CNTN1: variants seen among roughly 807,000 people sequenced by gnomAD.
The protein encoded by CNTN1 is contactin 1.
In CNTN1, 38 loss-of-function variants were observed where a neutral mutation model predicts 126.4. That is an observed-to-expected ratio of 0.30 (90% CI 0.23 to 0.39). CNTN1 has a LOEUF of 0.39. Ranked by LOEUF, CNTN1 falls within the 10% of genes least tolerant of loss-of-function variation. The pLI is 1.00. For synonymous variants in CNTN1, 413 were observed against 422.6 expected (o/e 0.98, Z 0.28); for missense variants, 1,009 against 1,248.4 (o/e 0.81, Z 2.89).
chr12:40,830,264 T>C (rs1941763018), intron 1 of CNTN1, among the ~76,000 whole-genome samples: 1 of 152,154 alleles, frequency 6.6e-6, no homozygotes, highest in Non-Finnish European at 1.5e-5. Context: ...TTAATTTTTA[T>C]AGGCTATCAA....
At chr12:40,713,848 C>A (rs1015323519) in intron 1 of CNTN1, among the ~76,000 whole-genome samples, 9 of 152,074 alleles carry the variant, frequency 5.9e-5, no homozygotes, top group African/African-American at 2.2e-4. Context: ...GTCTTTTCCA[C>A]ATTTAGTGCT....
At chr12:41,033,781 G>A (rs1393545975) in intron 23 of CNTN1, among the ~76,000 whole-genome samples, 1 of 151,706 alleles carries the variant, frequency 6.6e-6, no homozygotes, top group Non-Finnish European at 1.5e-5. Flanking sequence ...GCTCACGCCT[G>A]TAATCCCAGC....
intron 1 of CNTN1, among the ~76,000 whole-genome samples, chr12:40,793,048 C>T (rs74461734): frequency 0.059 from 9,027 of 151,994 alleles, 356 homozygotes; most frequent in Admixed American, 0.084. Flanking sequence ...AAAAGATTAA[C>T]TCACAGAAAA....
intron 19 of CNTN1, among the ~76,000 whole-genome samples, chr12:41,019,162 C>T (rs1248008764): frequency 1.3e-5 from 2 of 151,976 alleles, no homozygotes; most frequent in African/African-American, 4.8e-5. Flanking sequence ...ATCTCAAAAA[C>T]AAAACAAAAC....
At chr12:40,922,212 G>A (rs1243161107) in intron 4 of CNTN1, 44 bp from the exon 5 acceptor site, 3 of 1,562,684 alleles carry the variant, frequency 1.9e-6, no homozygotes, top group South Asian at 2.2e-5. Context: ...AGAGTTTCTA[G>A]GTCTCATGAC....
At chr12:41,036,955 A>G (rs1304404332) in intron 23 of CNTN1, among the ~76,000 whole-genome samples, 1 of 152,094 alleles carries the variant, frequency 6.6e-6, no homozygotes, top group African/African-American at 2.4e-5. Context: ...CTATTTCACT[A>G]TTTTTTGTTA....
At chr12:40,774,897 TA>T (rs1939517744) in intron 1 of CNTN1, among the ~76,000 whole-genome samples, 1 of 151,630 alleles carries the variant, frequency 6.6e-6, no homozygotes, top group Non-Finnish European at 1.5e-5. Flanking sequence ...TACATATTTA[TA>T]AGGTACATGT....
At chr12:40,832,507 C>T (rs928652853) in intron 1 of CNTN1, among the ~76,000 whole-genome samples, 3 of 152,150 alleles carry the variant, frequency 2.0e-5, no homozygotes, top group Non-Finnish European at 4.4e-5. Flanking sequence ...ATATAGCCTA[C>T]GTATGAAGTA....
chr12:41,063,850 T>A (rs1949992959), intron 23 of CNTN1, among the ~76,000 whole-genome samples: 1 of 152,118 alleles, frequency 6.6e-6, no homozygotes. Flanking sequence ...AGCTAGGAGC[T>A]CATATCTCTC....
intron 20 of CNTN1, among the ~76,000 whole-genome samples, chr12:41,021,366 T>C (rs1255195053): frequency 2.0e-5 from 3 of 151,982 alleles, no homozygotes; most frequent in Non-Finnish European, 2.9e-5. Flanking sequence ...CCAGCCAGCT[T>C]GCATTCTCAG....
At chr12:41,014,757 A>G (rs1948741419) in intron 18 of CNTN1, among the ~76,000 whole-genome samples, 1 of 152,216 alleles carries the variant, frequency 6.6e-6, no homozygotes, top group African/African-American at 2.4e-5. Context: ...GAAGTCACCC[A>G]TGGGACTAGT....
intron 1 of CNTN1, among the ~76,000 whole-genome samples, chr12:40,785,629 A>C (rs921297326): frequency 6.6e-6 from 1 of 152,068 alleles, no homozygotes; most frequent in African/African-American, 2.4e-5. Flanking sequence ...GGGTGGGGAG[A>C]ATTACAAAGA....
intron 1 of CNTN1, among the ~76,000 whole-genome samples, chr12:40,749,794 C>T (rs1372688223): frequency 2.9e-4 from 28 of 96,454 alleles, no homozygotes; most frequent in South Asian, 6.6e-4. Context: ...TATGTCGTGG[C>T]AATAGGTGTT....
At chr12:41,021,349 C>G (rs772940685) in intron 20 of CNTN1, among the ~76,000 whole-genome samples, 1 of 151,900 alleles carries the variant, frequency 6.6e-6, no homozygotes, top group Admixed American at 6.6e-5. Flanking sequence ...CCACCCACCC[C>G]ACTCCCCCAG....
chr12:41,022,587 G>A (rs1265389558), intron 20 of CNTN1, among the ~76,000 whole-genome samples: 1 of 152,278 alleles, frequency 6.6e-6, no homozygotes, highest in South Asian at 2.1e-4. Context: ...CCAAGATGGT[G>A]GTGATGATGA....
rs541804569 is a variant in CNTN1 at position 40,874,309 on chromosome 12, G to A, written c.-76-34048G>A. On this transcript the variant is annotated intron_variant, in intron 1 of 23. Transcript: ENST00000551295. ...GTATTAGTTATCATTATTTTTATTA[G>A]GAAATACTTCAGATATACAAAAACC... Among the ~76,000 whole-genome samples the A allele has an allele frequency of 9.9e-4, 151 of 151,948 alleles. 1 individual carries two copies. The highest frequency in any genetic ancestry group is 3.5e-3 in the African/African-American group (145 of 41,464).
intron 1 of CNTN1, among the ~76,000 whole-genome samples, chr12:40,734,384 G>A (rs1942568629): frequency 6.6e-6 from 1 of 152,088 alleles, no homozygotes; most frequent in South Asian, 2.1e-4. Context: ...GTTAAGTGGT[G>A]AGATTCAATG....
At chr12:40,788,764 T>TA (rs1381066564) in intron 1 of CNTN1, among the ~76,000 whole-genome samples, 1 of 152,120 alleles carries the variant, frequency 6.6e-6, no homozygotes, top group East Asian at 1.9e-4. Context: ...AGTGACTGTT[T>TA]AAAGTTCTTT....
intron 7 of CNTN1, among the ~76,000 whole-genome samples, chr12:40,931,367 C>T (rs1945877203): frequency 6.6e-6 from 1 of 151,896 alleles, no homozygotes; most frequent in African/African-American, 2.4e-5. Context: ...ATAGAATATT[C>T]TTCACAAAAT....
Sources: allele counts gnomAD v4.1 joint callset (sites outside exome capture counted in the v4.1 genomes callset), GRCh38; gene constraint gnomAD v4.1.1; transcripts MANE v1.5; gene names NCBI Gene and HGNC (gene_info 2026-07-23, HGNC 2026-07-21).